The following ATP9B variants were observed in gnomAD, a reference collection of about 807,000 sequenced individuals.
The protein encoded by ATP9B is ATPase phospholipid transporting 9B.
ATP9B carries 110 observed loss-of-function variants against 146.1 expected under a neutral mutation model. That is an observed-to-expected ratio of 0.75 (90% CI 0.65 to 0.88). The LOEUF is 0.88. Among genes scored for constraint, ATP9B ranks in the 40% least tolerant of loss-of-function variants. ATP9B has a pLI of 0.00. For missense variants in ATP9B, 1,499 were observed against 1,496.4 expected (o/e 1.00, Z -0.03); for synonymous variants, 604 against 569.7 (o/e 1.06, Z -0.86).
At chr18:79,144,748 T>TTTTTAG (rs2094557199) in intron 6 of ATP9B, 1 of 116,048 alleles carries the variant, frequency 8.6e-6, no homozygotes, top group African/African-American at 3.8e-5. Context: ...CTTATTTTTA[T>TTTTTAG]TTTTTTTCTG....
intron 4 of ATP9B, among the ~76,000 whole-genome samples, chr18:79,123,667 C>T (rs1042974751): frequency 1.3e-5 from 2 of 151,970 alleles, no homozygotes; most frequent in African/African-American, 4.8e-5. Flanking sequence ...TTTCCCATTC[C>T]CAAACTTATT....
intron 12 of ATP9B, among the ~76,000 whole-genome samples, chr18:79,260,429 G>A (rs1040961031): frequency 1.3e-5 from 2 of 152,108 alleles, no homozygotes; most frequent in East Asian, 1.9e-4. Flanking sequence ...GATGAGATTC[G>A]GGTGGGGACA....
intron 2 of ATP9B, among the ~76,000 whole-genome samples, chr18:79,109,969 A>G (rs1459965592): frequency 6.6e-6 from 1 of 152,212 alleles, no homozygotes; most frequent in Non-Finnish European, 1.5e-5. Flanking sequence ...CACATCCTGG[A>G]TTAATTGAAA....
chr18:79,221,460 G>T (rs1319661439), intron 11 of ATP9B, among the ~76,000 whole-genome samples: 1 of 152,234 alleles, frequency 6.6e-6, no homozygotes, highest in Non-Finnish European at 1.5e-5. Flanking sequence ...AGTGGCTCGT[G>T]CCTGTAATCC....
At chr18:79,376,034 G>A in intron 29 of ATP9B, 1 of 985,266 alleles carries the variant, frequency 1.0e-6, no homozygotes, top group South Asian at 4.7e-5. Context: ...CTGGGAGGGT[G>A]ACAGGCGAGA....
chr18:79,205,954 T>C lies in ATP9B; in HGVS notation c.955-983T>C, dbSNP rs902504499. The stretch of plus-strand genomic sequence containing the variant: ...ATAACAGCATACTTTTTTTTTTTTT[T>C]CTTTGAGACAGAGTCTCGCTCTGTC... On this transcript the variant is annotated intron_variant, in intron 9 of 29. Transcript: ENST00000426216. 7.2e-5 allele frequency among the ~76,000 whole-genome samples: 11 copies of C among 151,892 alleles called. No homozygotes were observed. The South Asian group carries it at 1.5e-3, about 20-fold the overall frequency.
intron 15 of ATP9B, 34 bp downstream of exon 15, chr18:79,307,268 C>G: frequency 6.2e-7 from 1 of 1,612,730 alleles, no homozygotes; most frequent in Middle Eastern, 1.7e-4. Context: ...GGAGCTTGTC[C>G]GTTCCATTTG....
At chr18:79,223,216 C>T (rs2095697658) in intron 11 of ATP9B, among the ~76,000 whole-genome samples, 1 of 152,142 alleles carries the variant, frequency 6.6e-6, no homozygotes, top group Non-Finnish European at 1.5e-5. Flanking sequence ...CTGTGGTGTA[C>T]TTTGCAACTT....
At chr18:79,149,004 G>A (rs1388449160) in intron 6 of ATP9B, among the ~76,000 whole-genome samples, 1 of 150,338 alleles carries the variant, frequency 6.7e-6, no homozygotes, top group Non-Finnish European at 1.5e-5. Flanking sequence ...AACTTACAAT[G>A]TGTTGATAAA....
rs146477696 is a variant in ATP9B, at chr18:79,307,456, A to G, written c.1773+222A>G. ...AAATGTGCGGCCGCCACATCTCGGC[A>G]CATCCCAGAACACCCAGGGCTGGTC... On this transcript the variant is annotated intron_variant, in intron 15 of 29. Transcript: ENST00000426216. 2,710 of 587,696 alleles carry G rather than the reference A, an allele frequency of 4.6e-3. 26 individuals are homozygous for G. The highest frequency in any genetic ancestry group is 0.017 in the East Asian group (565 of 32,786). The allele number at this position is 587,696 out of a possible 1,614,324, so 36.4% of individuals were successfully genotyped here.
At position 79,329,422 on chromosome 18, in the gene ATP9B, TTTTG is replaced by T. The variant is rs200171195; in HGVS notation, c.1935+128_1935+131del. The T allele has an allele frequency of 5.9e-4, 700 of 1,181,622 alleles. 4 individuals are homozygous for T. The East Asian group carries it at 0.012, about 20-fold the overall frequency. The allele number at this position is 1,181,622 out of a possible 1,614,324, so 73.2% of individuals were successfully genotyped here. A position where few individuals can be genotyped will look rare whatever the true frequency, so the allele number is the denominator to read the frequency against. The stretch of plus-strand genomic sequence containing the variant: ...ACTCAGGTGCTTTATGCTGTTACAG[TTTTG>T]TTTGTTTTTTTTTTTTAATGAAATC... On this transcript the variant is annotated intron_variant, in intron 16 of 29. Transcript: ENST00000426216.
intron 19 of ATP9B, among the ~76,000 whole-genome samples, chr18:79,339,172 C>T (rs1031338226): frequency 1.3e-5 from 2 of 149,336 alleles, no homozygotes; most frequent in African/African-American, 5.0e-5. Flanking sequence ...GTGTCATGGT[C>T]GCAGTAGGAA....
chr18:79,143,036 A>G (rs986744045), intron 5 of ATP9B, among the ~76,000 whole-genome samples: 2 of 152,202 alleles, frequency 1.3e-5, no homozygotes, highest in Admixed American at 6.5e-5. Context: ...AGAGTGAGAC[A>G]GGGAGAGAGT....
At position 79,213,982 on chromosome 18, in the gene ATP9B, A is replaced by C. The variant is rs776529294; in HGVS notation, c.1051A>C (p.Ile351Leu). 116 of 1,607,120 alleles carry C rather than the reference A, an allele frequency of 7.2e-5. No homozygotes were observed. The highest frequency in any genetic ancestry group is 9.3e-5 in the Non-Finnish European group (110 of 1,177,820). Reference sequence around the variant, plus strand: ...TGCAGGTACTGTAATAGGTGTTGTCATTTATACCGGAAAAGAGACTCGAAG... The same window carrying C: ...TGCAGGTACTGTAATAGGTGTTGTCCTTTATACCGGAAAAGAGACTCGAAG... ...VASGTVIGVV[I>L]YTGKETRSVM... Residue 351 changes from isoleucine to leucine, a missense_variant, in exon 11 of 30, where the codon ATT becomes CTT. Physicochemically the swap from Ile to Leu is conservative, Grantham distance 5 (BLOSUM62 2). Coordinates refer to ENST00000426216, the MANE Select transcript of ATP9B (RefSeq NM_198531.5).
At chr18:79,241,267 C>T (rs780923545) in intron 11 of ATP9B, among the ~76,000 whole-genome samples, 8 of 151,868 alleles carry the variant, frequency 5.3e-5, no homozygotes, top group Non-Finnish European at 1.2e-4. Context: ...GGGTTTGTCC[C>T]GTGTGAGAAT....
intron 13 of ATP9B, among the ~76,000 whole-genome samples, chr18:79,299,740 G>A (rs2096577433): frequency 6.6e-6 from 1 of 152,222 alleles, no homozygotes; most frequent in African/African-American, 2.4e-5. Flanking sequence ...ACTCTATGAA[G>A]TTTTGCAGCC....
At chr18:79,070,862 C>T (rs2071656958) in intron 1 of ATP9B, among the ~76,000 whole-genome samples, 1 of 151,984 alleles carries the variant, frequency 6.6e-6, no homozygotes, top group Admixed American at 6.6e-5. Flanking sequence ...TAGCTTTCAA[C>T]TTACCTATGT....
intron 11 of ATP9B, among the ~76,000 whole-genome samples, chr18:79,223,982 T>G (rs2095705106): frequency 6.6e-6 from 1 of 152,192 alleles, no homozygotes; most frequent in Admixed American, 6.5e-5. Flanking sequence ...AGCATTTTTA[T>G]TATTGTAATT....
At chr18:79,178,922 G>GC (rs1200161995) in intron 8 of ATP9B, among the ~76,000 whole-genome samples, 3 of 152,104 alleles carry the variant, frequency 2.0e-5, no homozygotes, top group Non-Finnish European at 4.4e-5. Context: ...AAAATAGTTG[G>GC]CATAAAATTG....
Sources: allele counts gnomAD v4.1 joint callset (sites outside exome capture counted in the v4.1 genomes callset), GRCh38; gene constraint gnomAD v4.1.1; transcripts MANE v1.5; gene names NCBI Gene and HGNC (gene_info 2026-07-23, HGNC 2026-07-21).